Variants in ATP6V0A2 observed in about 807,000 individuals in gnomAD.
ATP6V0A2 encodes ATPase H+ transporting V0 subunit a2.
A neutral mutation model predicts 104.4 loss-of-function variants in ATP6V0A2; 58 were observed. The observed-to-expected ratio is 0.56, with a 90% CI of 0.45 to 0.69. The LOEUF is 0.69. Among genes scored for constraint, ATP6V0A2 ranks in the 30% least tolerant of loss-of-function variants. The pLI, the probability that ATP6V0A2 is intolerant of heterozygous loss-of-function variation, is 0.00. For missense variants in ATP6V0A2, 938 were observed against 1,062.9 expected, an observed-to-expected ratio of 0.88 and a Z score of 1.63; for synonymous variants, 376 against 397.9, an observed-to-expected ratio of 0.95 and a Z score of 0.65.
chr12:123,744,315 C>A lies in ATP6V0A2; in HGVS notation c.1304C>A (p.Pro435His), dbSNP rs774414697. The A allele has an allele frequency of 5.0e-6, 8 of 1,614,030 alleles. No individual in the cohort carries two copies. Among genetic ancestry groups the A allele is most frequent in the Non-Finnish European group, 6.8e-6 (8 of 1,180,018 alleles). The change falls in exon 11 of 20, where the codon CCC (proline) becomes CAC (histidine). Residue 435 changes from proline (P) to histidine (H), a missense_variant. Physicochemically the swap from Pro to His is moderately conservative, Grantham distance 77. Transcript: ENST00000330342. This position sits in a 1 kb window ranked among gnomAD's most constrained non-coding sequence, Gnocchi z 5.4. ...TTGTTGGTGTTAAATGAAAATCATCCCAGACTAAATCAGTCACAAGAGGTA... is the reference window on the plus strand; with the variant it reads ...TTGTTGGTGTTAAATGAAAATCATCACAGACTAAATCAGTCACAAGAGGTA... ...ALLLVLNENH[P>H]RLNQSQEIMR... is the part of the protein sequence containing the mutation.
intron 3 of ATP6V0A2, chr12:123,723,238 C>T (rs937738319): frequency 1.3e-5 from 2 of 151,998 alleles, no homozygotes; most frequent in African/African-American, 2.4e-5. Flanking sequence ...TTGGCCTGTT[C>T]GATGGGTCGC....
intron 2 of ATP6V0A2, among the ~76,000 whole-genome samples, chr12:123,722,112 A>G (rs1210040932): frequency 1.3e-5 from 2 of 152,196 alleles, no homozygotes; most frequent in Non-Finnish European, 2.9e-5. Context: ...TTAAGTCACT[A>G]AGAAATAGAA....
chr12:123,719,958 A>G (rs1303258190), intron 2 of ATP6V0A2, among the ~76,000 whole-genome samples: 1 of 152,128 alleles, frequency 6.6e-6, no homozygotes, highest in Non-Finnish European at 1.5e-5. Flanking sequence ...TCCCCCGTAT[A>G]AACCCCTCAT....
Position 123,751,073 on chromosome 12 carries a change from A to G in ATP6V0A2, c.1936-37A>G, listed in dbSNP as rs769897835. 4.3e-6 allele frequency: 7 copies of G among 1,613,818 alleles called. No homozygotes were observed. In the Admixed American group the frequency reaches 1.0e-4, roughly 23 times the overall value. The stretch of plus-strand genomic sequence containing the variant: ...CTGCTGACCCTGCAGGCAGGCCTTC[A>G]CGTTTTAATCGGGTTTCTCACCTTC... On this transcript the variant is annotated intron_variant, in intron 15 of 19. Coordinates refer to ENST00000330342, the MANE Select transcript of ATP6V0A2 (RefSeq NM_012463.4).
intron 3 of ATP6V0A2, among the ~76,000 whole-genome samples, chr12:123,722,748 C>T (rs1242502480): frequency 6.6e-6 from 1 of 152,152 alleles, no homozygotes; most frequent in Non-Finnish European, 1.5e-5. Context: ...TGGATCAGAA[C>T]AGTTCATGAT....
Position 123,744,243 on chromosome 12 carries a change from T to A in ATP6V0A2, c.1232T>A (p.Met411Lys). The change falls in exon 11 of 20, where the codon ATG becomes AAG. Residue 411 changes from methionine (M) to lysine (K), a missense_variant. Transcript: ENST00000330342. This position sits in a 1 kb window ranked among gnomAD's most constrained non-coding sequence, Gnocchi z 5.4. ...ACCTTCCCGTTTTTATTTGCTGTGA[T>A]GTTTGGAGACTTCGGACATGGCTTT... ...IITFPFLFAVMFGDFGHGFVM... is the reference protein window; with the variant it reads ...IITFPFLFAVKFGDFGHGFVM... The A allele has an allele frequency of 6.2e-7, 1 of 1,614,248 alleles. No individual in the cohort carries two copies. The highest frequency in any genetic ancestry group is 8.5e-7 in the Non-Finnish European group (1 of 1,180,040).
intron 5 of ATP6V0A2, among the ~76,000 whole-genome samples, chr12:123,727,523 C>T (rs558666602): frequency 7.9e-5 from 12 of 152,182 alleles, no homozygotes; most frequent in Non-Finnish European, 1.6e-4. Context: ...GTGATCCACC[C>T]GCCTCGGCCT....
Position 123,744,128 on chromosome 12 carries a change from T to C in ATP6V0A2, c.1190-73T>C, listed in dbSNP as rs1956636474. 2 of 1,586,878 alleles carry C rather than the reference T, an allele frequency of 1.3e-6. No homozygotes were observed. The highest frequency in any genetic ancestry group is 3.3e-5 in the Admixed American group (2 of 59,980). ...TGGAGAAAGTCAAGATTGTTATGTATCATTGTGTTTGAATGAACTCAGGTT... is the reference window on the plus strand; with the variant it reads ...TGGAGAAAGTCAAGATTGTTATGTACCATTGTGTTTGAATGAACTCAGGTT... On this transcript the variant is annotated intron_variant, in intron 10 of 19. Transcript: ENST00000330342. This position sits in a 1 kb window ranked among gnomAD's most constrained non-coding sequence, Gnocchi z 5.4.
chr12:123,733,391 C>T (rs75169199), intron 6 of ATP6V0A2: 6,402 of 152,094 alleles, frequency 0.042, 232 homozygotes, highest in African/African-American at 0.089. Flanking sequence ...AGGGGAAGTA[C>T]GGGAGTTGAG....
intron 18 of ATP6V0A2, among the ~76,000 whole-genome samples, chr12:123,756,095 A>C (rs942679039): frequency 1.3e-5 from 2 of 150,996 alleles, no homozygotes; most frequent in African/African-American, 4.9e-5. Flanking sequence ...AAAAAAAAAA[A>C]AAAACCGAAA....
chr12:123,756,038 G>A lies in ATP6V0A2; in HGVS notation c.2294-777G>A, dbSNP rs1315874470. 3.0e-4 allele frequency among the ~76,000 whole-genome samples: 43 copies of A among 143,856 alleles called. 1 individual carries two copies. Among genetic ancestry groups the A allele is most frequent in the African/African-American group, 1.1e-3 (41 of 38,288 alleles). The allele number at this position is 143,856 out of a possible 152,430, so 94.4% of individuals were successfully genotyped here. A position where few individuals can be genotyped will look rare whatever the true frequency, so the allele number is the denominator to read the frequency against. On this transcript the variant is annotated intron_variant, in intron 18 of 19. Transcript: ENST00000330342. ...AGAGCTTGCAGTGAGCCGAGATCAT[G>A]CCACTGCACTCCAGCCTGGGCGACA...
chr12:123,715,214 G>A (rs1956328698), intron 1 of ATP6V0A2, among the ~76,000 whole-genome samples: 1 of 152,192 alleles, frequency 6.6e-6, no homozygotes, highest in Non-Finnish European at 1.5e-5. Context: ...TGCCCATTTA[G>A]AGTTAAGTAC....
chr12:123,750,990 T>C, intron 15 of ATP6V0A2, 120 bp from the exon 16 acceptor site: 3 of 1,389,046 alleles, frequency 2.2e-6, no homozygotes, highest in South Asian at 1.2e-5. Context: ...CTGGCTGGCA[T>C]TTATTGAATG....
At chr12:123,719,388 T>G (rs941214034) in intron 2 of ATP6V0A2, among the ~76,000 whole-genome samples, 1 of 149,142 alleles carries the variant, frequency 6.7e-6, no homozygotes, top group Non-Finnish European at 1.5e-5. Flanking sequence ...GGACAAAGCT[T>G]GTTTTTTTTT....
intron 9 of ATP6V0A2, among the ~76,000 whole-genome samples, chr12:123,741,103 G>A (rs980934183): frequency 1.1e-4 from 16 of 151,836 alleles, no homozygotes; most frequent in African/African-American, 3.1e-4. Context: ...TGTAAGATTG[G>A]GCTTCTCCCT....
At chr12:123,737,882 T>A (rs1956571370) in intron 9 of ATP6V0A2, among the ~76,000 whole-genome samples, 1 of 152,236 alleles carries the variant, frequency 6.6e-6, no homozygotes, top group Non-Finnish European at 1.5e-5. Context: ...TAATAAAACT[T>A]CTCTATTTTT....
intron 13 of ATP6V0A2, among the ~76,000 whole-genome samples, chr12:123,746,205 A>C (rs1373567865): frequency 6.6e-6 from 1 of 151,556 alleles, no homozygotes; most frequent in Non-Finnish European, 1.5e-5. Flanking sequence ...TTTTTTTGGG[A>C]GGCATAGGGG....
In ATP6V0A2 at chr12:123,712,570, G is replaced by T; in HGVS notation, c.5G>T (p.Gly2Val). 6.3e-7 allele frequency: 1 copy of T among 1,589,818 alleles called. No individual in the cohort carries two copies. The highest frequency in any genetic ancestry group is 8.5e-7 in the Non-Finnish European group (1 of 1,171,062). Residue 2 changes from glycine (G) to valine (V), a missense_variant, in exon 1 of 20, where the codon GGG (glycine) becomes GTG (valine). Transcript: ENST00000330342. M[G>V]SLFRSETMCL... ...CCGGGCGCGGGTCGGCCCGCCATGG[G>T]GTCCCTGTTCCGGAGCGAGACCATG...
intron 6 of ATP6V0A2, among the ~76,000 whole-genome samples, chr12:123,729,311 T>G (rs1956477669): frequency 1.3e-5 from 2 of 151,670 alleles, no homozygotes; most frequent in South Asian, 2.1e-4. Context: ...AACTGTTTCT[T>G]CAAGGAGGCT....
Sources: gnomAD v4.1 joint callset for allele counts (sites outside exome capture counted in the v4.1 genomes callset) on GRCh38, gnomAD v4.1.1 for gene constraint, Gnocchi (gnomAD v3.1) non-coding constraint, MANE v1.5 for transcripts, NCBI Gene and HGNC (gene_info 2026-07-23, HGNC 2026-07-21) for gene names.